Variants in SPACA9 observed in about 807,000 individuals in gnomAD.
The protein encoded by SPACA9 is sperm acrosome associated 9, also known as sperm acrosome-associated protein 9.
Under a neutral mutation model 12.5 loss-of-function variants are expected in SPACA9, and 14 were observed. That is an observed-to-expected ratio of 1.12 (90% CI 0.74 to 1.75). The LOEUF (loss-of-function observed/expected upper bound fraction) is 1.75. SPACA9 is among the 40% of genes most tolerant of loss of function. The probability of loss-of-function intolerance (pLI) is 0.00; values close to 1 mark genes in which losing one functional copy is unlikely to be tolerated. For missense variants in SPACA9, 292 were observed against 291.9 expected (o/e 1.00, Z 0.00); for synonymous variants, 111 against 114.1 (o/e 0.97, Z 0.17).
rs1396366175 is a variant in SPACA9, at chr9:132,886,959, G to A, written c.145-410G>A. Reference sequence around the variant, plus strand: ...CCCGAGTAGCTGGGATTACAGGCACGTGCCACCACGCCTGGCTAATTTTTT... The same window carrying A: ...CCCGAGTAGCTGGGATTACAGGCACATGCCACCACGCCTGGCTAATTTTTT... On this transcript the variant is annotated intron_variant, in intron 2 of 3. Transcript: ENST00000356311. Among the ~76,000 whole-genome samples, 9 of 151,980 alleles carry A rather than the reference G, an allele frequency of 5.9e-5. No homozygotes were observed. In the East Asian group the frequency reaches 1.7e-3, roughly 30 times the overall value.
At position 132,888,354 on chromosome 9, in the gene SPACA9, G is replaced by T. The variant is rs774117206; in HGVS notation, c.412G>T (p.Val138Phe). The change falls in exon 4 of 4, where the codon GTC becomes TTC. Residue 138 changes from valine to phenylalanine, a missense_variant. Transcript: ENST00000356311. The surrounding 1 kb of genome is among the most constrained non-coding windows in gnomAD (Gnocchi z 5.0). ...DEARNHYGGV[V>F]SLIPLILDLM... ...GGCCCGGAACCACTACGGCGGCGTG[G>T]TCAGCCTCATCCCCCTCATCCTAGA... 6.2e-7 allele frequency: 1 copy of T among 1,614,126 alleles called. No individual in the cohort carries two copies. Among genetic ancestry groups the T allele is most frequent in the South Asian group, 1.1e-5 (1 of 91,082 alleles).
rs768915041 is a variant in SPACA9 at position 132,883,995 on chromosome 9, G to A, written c.48G>A (p.Lys16=). The A allele has an allele frequency of 4.3e-6, 7 of 1,614,046 alleles. No homozygotes were observed. Among genetic ancestry groups the A allele is most frequent in the South Asian group, 2.2e-5 (2 of 91,086 alleles). ...TTCGCAGCATCGAGCAGAAGTACAA[G>A]CTCTTCCAGCAGCAGCAGCTCACCT... is the stretch of plus-strand genomic sequence containing the variant. ...ESLRSIEQKY[K]LFQQQQLTFT... is the part of the protein sequence containing the mutation. The change falls in exon 2 of 4, where the codon AAG becomes AAA. Residue 16 remains lysine (K), a synonymous_variant. Transcript: ENST00000356311.
upstream of SPACA9, chr9:132,878,386 C>T (rs1454879525): frequency 4.0e-6 from 5 of 1,244,254 alleles, no homozygotes; most frequent in South Asian, 2.0e-4. This position sits in a 1 kb window ranked among gnomAD's most constrained non-coding sequence, Gnocchi z 4.7. Flanking sequence ...TCCTCGGTCG[C>T]GCGGGTCGCC....
chr9:132,884,718 G>GT (rs1000229577), intron 2 of SPACA9, among the ~76,000 whole-genome samples: 3 of 100,654 alleles, frequency 3.0e-5, no homozygotes, highest in Middle Eastern at 4.9e-3. Context: ...TTGTGGAAGG[G>GT]TAACTGCCCC....
At position 132,883,272 on chromosome 9, in the gene SPACA9, G is replaced by C. The variant is rs575480843; in HGVS notation, c.-37-639G>C. Among the ~76,000 whole-genome samples the C allele has an allele frequency of 2.6e-5, 4 of 152,316 alleles. 1 individual carries two copies. Among genetic ancestry groups the C allele is most frequent in the South Asian group, 4.1e-4 (2 of 4,832 alleles). ...GAGAATGCGCAAACCTGAGACCAAG[G>C]CTCCTGCCCCCAGCCCAGAGCAGGC... On this transcript the variant is annotated intron_variant, in intron 1 of 3. Transcript: ENST00000356311.
Position 132,884,246 on chromosome 9 carries a change from G to A in SPACA9, c.144+155G>A, listed in dbSNP as rs138438190. Among the ~76,000 whole-genome samples, 966 of 152,298 alleles carry A rather than the reference G, an allele frequency of 6.3e-3. 13 individuals are homozygous for A. Among genetic ancestry groups the A allele is most frequent in the African/African-American group, 0.021 (881 of 41,550 alleles). ...AAATGATGTAATGAGTCCTTCATTCGTTTCTCTACCAAATATGTAAGTGAA... is the reference window on the plus strand; with the variant it reads ...AAATGATGTAATGAGTCCTTCATTCATTTCTCTACCAAATATGTAAGTGAA... On this transcript the variant is annotated intron_variant, in intron 2 of 3. Transcript: ENST00000356311.
rs754802710 is a variant in SPACA9 at position 132,889,996 on chromosome 9, G to C, written c.*1385G>C. ...TCTGTATTATTGTTGCTTCCTCAGG[G>C]GGAGACAGTCAAGAATAAAAAGTAT... On this transcript the variant is annotated 3_prime_UTR_variant, in exon 4 of 4. Coordinates refer to ENST00000356311, the MANE Select transcript of SPACA9 (RefSeq NM_001316897.2). 7 of 1,486,100 alleles carry C rather than the reference G, an allele frequency of 4.7e-6. No homozygotes were observed. The highest frequency in any genetic ancestry group is 1.4e-5 in the African/African-American group (1 of 70,302). The allele number at this position is 1,486,100 out of a possible 1,614,324, so 92.1% of individuals were successfully genotyped here. A position where few individuals can be genotyped will look rare whatever the true frequency, so the allele number is the denominator to read the frequency against.
intron 1 of SPACA9, among the ~76,000 whole-genome samples, chr9:132,881,848 GTT>G (rs1844437220): frequency 6.6e-6 from 1 of 152,094 alleles, no homozygotes; most frequent in South Asian, 2.1e-4. Flanking sequence ...TGATTGCCGA[GTT>G]TTTTGGCGCC....
chr9:132,888,358 G>T lies in SPACA9; in HGVS notation c.416G>T (p.Ser139Ile). The T allele has an allele frequency of 1.2e-6, 2 of 1,614,114 alleles. No individual in the cohort carries two copies. The highest frequency in any genetic ancestry group is 1.7e-6 in the Non-Finnish European group (2 of 1,180,038). The change falls in exon 4 of 4, where the codon AGC becomes ATC. Residue 139 changes from serine (S) to isoleucine (I), a missense_variant. Coordinates refer to ENST00000356311, the MANE Select transcript of SPACA9 (RefSeq NM_001316897.2). The surrounding 1 kb of genome is among the most constrained non-coding windows in gnomAD (Gnocchi z 5.0). The part of the protein sequence containing the change: ...EARNHYGGVV[S>I]LIPLILDLMK... Reference sequence around the variant, plus strand: ...CGGAACCACTACGGCGGCGTGGTCAGCCTCATCCCCCTCATCCTAGACTTA... The same window carrying T: ...CGGAACCACTACGGCGGCGTGGTCATCCTCATCCCCCTCATCCTAGACTTA...
intron 1 of SPACA9, among the ~76,000 whole-genome samples, chr9:132,880,655 A>G (rs1844387900): frequency 6.6e-6 from 1 of 152,186 alleles, no homozygotes; most frequent in Admixed American, 6.5e-5. Context: ...CAATTCAATC[A>G]TTGAGGTGGA....
In SPACA9 at chr9:132,888,370, T is replaced by C; in HGVS notation, c.428T>C (p.Leu143Pro). The C allele has an allele frequency of 6.2e-7, 1 of 1,613,850 alleles. No individual in the cohort carries two copies. Among genetic ancestry groups the C allele is most frequent in the Non-Finnish European group, 8.5e-7 (1 of 1,179,976 alleles). The change falls in exon 4 of 4, where the codon CTC becomes CCC. Residue 143 changes from leucine (L) to proline (P), a missense_variant. Coordinates refer to ENST00000356311, the MANE Select transcript of SPACA9 (RefSeq NM_001316897.2). This position sits in a 1 kb window ranked among gnomAD's most constrained non-coding sequence, Gnocchi z 5.0. The stretch of plus-strand genomic sequence containing the variant: ...GGCGGCGTGGTCAGCCTCATCCCCC[T>C]CATCCTAGACTTAATGAAAGAATGG... Reference protein sequence around the residue: ...HYGGVVSLIPLILDLMKEWIA... With the variant: ...HYGGVVSLIPPILDLMKEWIA...
Position 132,887,210 on chromosome 9 carries a change from G to A in SPACA9, c.145-159G>A, listed in dbSNP as rs1844590722. ...AGAGAGAGAGATACCACTATATAGA[G>A]TGGTCTGTACCTTAAAATGCTTAAG... On this transcript the variant is annotated intron_variant, in intron 2 of 3. Coordinates refer to ENST00000356311, the MANE Select transcript of SPACA9 (RefSeq NM_001316897.2). This position sits in a 1 kb window ranked among gnomAD's most constrained non-coding sequence, Gnocchi z 5.4. Among the ~76,000 whole-genome samples, 1 of 151,740 alleles carries A rather than the reference G, an allele frequency of 6.6e-6. No individual in the cohort carries two copies. Among genetic ancestry groups the A allele is most frequent in the African/African-American group, 2.4e-5 (1 of 41,260 alleles).
chr9:132,884,214 A>G (rs1844506493), intron 2 of SPACA9, 123 bp downstream of exon 2: 2 of 963,896 alleles, frequency 2.1e-6, no homozygotes, highest in African/African-American at 1.7e-5. Flanking sequence ...ACCCGGACCC[A>G]GAACCTAAAT....
rs1285007470 is a variant in SPACA9, at chr9:132,887,372, C to T, written c.148C>T (p.Gln50Ter). The T allele has an allele frequency of 1.2e-6, 2 of 1,610,856 alleles. No homozygotes were observed. Among genetic ancestry groups the T allele is most frequent in the African/African-American group, 1.3e-5 (1 of 74,886 alleles). Residue 50 changes from glutamine to a stop codon, truncating the protein, a stop_gained, in exon 3 of 4, where the codon CAG becomes TAG. Coordinates refer to ENST00000356311, the MANE Select transcript of SPACA9 (RefSeq NM_001316897.2). LOFTEE classifies it high-confidence loss of function. The surrounding 1 kb of genome is among the most constrained non-coding windows in gnomAD (Gnocchi z 5.4). ...IRPISSIGQV[Q>*]SYMEHYCNSS... is the part of the protein sequence containing the mutation. ...CATGTGGCGGCGGCCCTTGCAGGTG[C>T]AGAGCTACATGGAACACTACTGCAA...
chr9:132,888,205 G>C lies in SPACA9; in HGVS notation c.348-85G>C. ...TTCTAAAGCCTCCCCAGGTGACTCT[G>C]CTGTGCCTGAGGTGTGGCAGCTGCT... On this transcript the variant is annotated intron_variant, in intron 3 of 3. Coordinates refer to ENST00000356311, the MANE Select transcript of SPACA9 (RefSeq NM_001316897.2). This position sits in a 1 kb window ranked among gnomAD's most constrained non-coding sequence, Gnocchi z 5.0. The C allele has an allele frequency of 6.5e-7, 1 of 1,540,474 alleles. No homozygotes were observed. Among genetic ancestry groups the C allele is most frequent in the Non-Finnish European group, 8.7e-7 (1 of 1,143,020 alleles).
In SPACA9 at chr9:132,888,683, C is replaced by G; in HGVS notation, c.*72C>G. 2.0e-6 allele frequency: 3 copies of G among 1,465,318 alleles called. No individual in the cohort carries two copies. The highest frequency in any genetic ancestry group is 2.7e-6 in the Non-Finnish European group (3 of 1,107,326). The allele number at this position is 1,465,318 out of a possible 1,614,324, so 90.8% of individuals were successfully genotyped here. A position where few individuals can be genotyped will look rare whatever the true frequency, so the allele number is the denominator to read the frequency against. ...GGATTTTACTGGTTGGTCCTTTTTT[C>G]ACTGGTACCCATGGACCCTGCCACT... On this transcript the variant is annotated 3_prime_UTR_variant, in exon 4 of 4. Coordinates refer to ENST00000356311, the MANE Select transcript of SPACA9 (RefSeq NM_001316897.2). This position sits in a 1 kb window ranked among gnomAD's most constrained non-coding sequence, Gnocchi z 5.0.
At chr9:132,885,236 A>C (rs1386371462) in intron 2 of SPACA9, among the ~76,000 whole-genome samples, 1 of 152,052 alleles carries the variant, frequency 6.6e-6, no homozygotes, top group Non-Finnish European at 1.5e-5. Flanking sequence ...TATAGAGGCC[A>C]GACACAGCGG....
chr9:132,888,791 G>A lies in SPACA9; in HGVS notation c.*180G>A, dbSNP rs948438416. The A allele has an allele frequency of 1.3e-5, 18 of 1,357,530 alleles. No individual in the cohort carries two copies. Among genetic ancestry groups the A allele is most frequent in the South Asian group, 8.4e-5 (5 of 59,856 alleles). 84.1% of individuals were successfully genotyped at this position (1,357,530 alleles called of 1,614,324 possible). On this transcript the variant is annotated 3_prime_UTR_variant, in exon 4 of 4. Coordinates refer to ENST00000356311, the MANE Select transcript of SPACA9 (RefSeq NM_001316897.2). The surrounding 1 kb of genome is among the most constrained non-coding windows in gnomAD (Gnocchi z 5.0). Reference sequence around the variant, plus strand: ...CTTTAACTTCTTTTTTTTTTGAGACGGAGTCTCGCTCTGTCGCCCAGGCTG... The same window carrying A: ...CTTTAACTTCTTTTTTTTTTGAGACAGAGTCTCGCTCTGTCGCCCAGGCTG...
At chr9:132,885,435 C>T (rs1244459317) in intron 2 of SPACA9, among the ~76,000 whole-genome samples, 1 of 150,746 alleles carries the variant, frequency 6.6e-6, no homozygotes, top group Non-Finnish European at 1.5e-5. Flanking sequence ...ATCACATGAA[C>T]CCTGGAGGCA....
Sources: gnomAD v4.1 joint callset for allele counts (sites outside exome capture counted in the v4.1 genomes callset) on GRCh38, gnomAD v4.1.1 for gene constraint, Gnocchi (gnomAD v3.1) non-coding constraint, MANE v1.5 for transcripts, NCBI Gene and HGNC (gene_info 2026-07-23, HGNC 2026-07-21) for gene names.